The following ATE1 variants were observed in gnomAD, a reference collection of about 807,000 sequenced individuals.
ATE1 encodes the protein arginyl-tRNA--protein transferase 1.
ATE1 carries 36 observed loss-of-function variants against 70.5 expected under a neutral mutation model. The ratio of observed to expected loss-of-function variants is 0.51; its 90% CI spans 0.39 to 0.67. The LOEUF (loss-of-function observed/expected upper bound fraction) is 0.67. ATE1 is among the 30% of genes least tolerant of loss of function. The pLI is 0.00. For synonymous variants in ATE1, 232 were observed against 219.3 expected, an observed-to-expected ratio of 1.06 and a Z score of -0.51; for missense variants, 593 against 629.5, an observed-to-expected ratio of 0.94 and a Z score of 0.62.
chr10:121,776,079 T>C (rs1442176413), intron 11 of ATE1, among the ~76,000 whole-genome samples: 1 of 152,216 alleles, frequency 6.6e-6, no homozygotes, highest in Non-Finnish European at 1.5e-5. Flanking sequence ...GGGGGATATG[T>C]CATATTTTGA....
At chr10:121,807,732 T>C (rs1947154821) in intron 10 of ATE1, among the ~76,000 whole-genome samples, 1 of 152,228 alleles carries the variant, frequency 6.6e-6, no homozygotes, top group Non-Finnish European at 1.5e-5. Flanking sequence ...CAGCAAGCTA[T>C]GGCCCATGGG....
In ATE1 at chr10:121,925,275, C is replaced by G. The variant is rs186599948; in HGVS notation, c.107-946G>C. Among the ~76,000 whole-genome samples the G allele has an allele frequency of 4.1e-4, 62 of 151,954 alleles. No homozygotes were observed. The East Asian group carries it at 0.012, about 29-fold the overall frequency. ...ATCTCTACTAAAAACACAAAATTAGCCGGGAATGGTGGCACATGCCTGTAA... is the reference window on the plus strand; with the variant it reads ...ATCTCTACTAAAAACACAAAATTAGGCGGGAATGGTGGCACATGCCTGTAA... On this transcript the variant is annotated intron_variant, in intron 1 of 11. Coordinates refer to ENST00000224652, the MANE Select transcript of ATE1 (RefSeq NM_001001976.3).
At chr10:121,803,932 C>T (rs974680232) in intron 10 of ATE1, among the ~76,000 whole-genome samples, 1 of 152,152 alleles carries the variant, frequency 6.6e-6, no homozygotes, top group Non-Finnish European at 1.5e-5. Context: ...TTAAGGATAA[C>T]CTTTCCTCCC....
At chr10:121,905,997 A>G (rs1213052795) in intron 5 of ATE1, among the ~76,000 whole-genome samples, 1 of 152,250 alleles carries the variant, frequency 6.6e-6, no homozygotes, top group African/African-American at 2.4e-5. Context: ...AAGCAACTCA[A>G]GAATTCCTGA....
At chr10:121,837,808 A>T (rs1383263936) in intron 9 of ATE1, among the ~76,000 whole-genome samples, 2 of 152,090 alleles carry the variant, frequency 1.3e-5, no homozygotes, top group Admixed American at 1.3e-4. Context: ...TCCACTCTCA[A>T]AGTTCAAACT....
chr10:121,911,456 A>C (rs574572285), intron 4 of ATE1, among the ~76,000 whole-genome samples: 16 of 148,890 alleles, frequency 1.1e-4, no homozygotes, highest in Admixed American at 4.7e-4. Flanking sequence ...AAAAAAAAAA[A>C]AAAACAAAAA....
chr10:121,891,392 G>A lies in ATE1; in HGVS notation c.942+8474C>T, dbSNP rs115373402. Among the ~76,000 whole-genome samples the A allele has an allele frequency of 7.2e-3, 1,102 of 152,210 alleles. 11 individuals carry two copies. Among genetic ancestry groups the A allele is most frequent in the African/African-American group, 0.025 (1,037 of 41,522 alleles). ...TACCAGGATGCCGGCACATGGTGGCGACAGGAAAAAGAGGGCAGGAGAGAC... is the reference window on the plus strand; with the variant it reads ...TACCAGGATGCCGGCACATGGTGGCAACAGGAAAAAGAGGGCAGGAGAGAC... On this transcript the variant is annotated intron_variant, in intron 7 of 11. Coordinates refer to ENST00000224652, the MANE Select transcript of ATE1 (RefSeq NM_001001976.3).
chr10:121,754,476 A>T (rs1243975791), intron 11 of ATE1, among the ~76,000 whole-genome samples: 3 of 152,238 alleles, frequency 2.0e-5, no homozygotes, highest in Non-Finnish European at 1.5e-5. Context: ...ATAAATAATG[A>T]AAGTAACAAT....
intron 6 of ATE1, among the ~76,000 whole-genome samples, chr10:121,901,652 C>G (rs1369735264): frequency 6.6e-6 from 1 of 152,010 alleles, no homozygotes; most frequent in African/African-American, 2.4e-5. Context: ...GACGGGGTTT[C>G]ACTGTGTTGG....
At chr10:121,913,755 G>T in intron 4 of ATE1, 35 bp downstream of exon 4, 1 of 1,444,394 alleles carries the variant, frequency 6.9e-7, no homozygotes, top group Non-Finnish European at 9.7e-7. Context: ...TGCAAAGACA[G>T]ATAGTAAATC....
intron 7 of ATE1, among the ~76,000 whole-genome samples, chr10:121,880,788 T>C (rs12243874): frequency 0.13 from 20,063 of 152,068 alleles, 1,522 homozygotes; most frequent in East Asian, 0.19. Flanking sequence ...TGAATGACCA[T>C]AGTGAAAATA....
chr10:121,901,792 G>A (rs1950992694), intron 6 of ATE1, among the ~76,000 whole-genome samples: 1 of 152,092 alleles, frequency 6.6e-6, no homozygotes, highest in Non-Finnish European at 1.5e-5. Flanking sequence ...AACTAATACT[G>A]AGAAATCTTG....
At chr10:121,830,289 A>T (rs1948187153) in intron 10 of ATE1, among the ~76,000 whole-genome samples, 1 of 152,138 alleles carries the variant, frequency 6.6e-6, no homozygotes, top group African/African-American at 2.4e-5. Flanking sequence ...GCCCTCGGGA[A>T]TAGATTAAAG....
At chr10:121,822,717 CAG>C (rs1204408487) in intron 10 of ATE1, among the ~76,000 whole-genome samples, 1 of 152,118 alleles carries the variant, frequency 6.6e-6, no homozygotes, top group Non-Finnish European at 1.5e-5. Context: ...TTTATCCATG[CAG>C]AGTCACCTTT....
chr10:121,823,920 C>G (rs1018393236), intron 10 of ATE1, among the ~76,000 whole-genome samples: 1 of 152,104 alleles, frequency 6.6e-6, no homozygotes, highest in African/African-American at 2.4e-5. Flanking sequence ...AAACTCTTCT[C>G]GTGGGTAAAA....
At chr10:121,802,208 A>G (rs1946910412) in intron 10 of ATE1, among the ~76,000 whole-genome samples, 2 of 151,822 alleles carry the variant, frequency 1.3e-5, no homozygotes, top group Admixed American at 1.3e-4. Context: ...ATGGCACAAG[A>G]TTTGCTTTCA....
Position 121,916,008 on chromosome 10 carries a change from G to A in ATE1, c.234-2115C>T, listed in dbSNP as rs1052309687. ...TATCAGCACTTTGGGAGGCCGAGGC[G>A]GGCAGATCACAAGGTCAGGAGATGG... is the stretch of plus-strand genomic sequence containing the variant. On this transcript the variant is annotated intron_variant, in intron 3 of 11. Coordinates refer to ENST00000224652, the MANE Select transcript of ATE1 (RefSeq NM_001001976.3). Among the ~76,000 whole-genome samples, 11 of 150,868 alleles carry A rather than the reference G, an allele frequency of 7.3e-5. No individual in the cohort carries two copies. In the South Asian group the frequency reaches 1.1e-3, roughly 14 times the overall value.
At chr10:121,895,696 C>G (rs933865283) in intron 7 of ATE1, among the ~76,000 whole-genome samples, 4 of 151,954 alleles carry the variant, frequency 2.6e-5, no homozygotes, top group African/African-American at 9.7e-5. Context: ...ATCTGTAATC[C>G]CAGCACTTTA....
chr10:121,888,590 C>G (rs1237592780), intron 7 of ATE1, among the ~76,000 whole-genome samples: 4 of 152,056 alleles, frequency 2.6e-5, no homozygotes, highest in African/African-American at 9.7e-5. Flanking sequence ...ATGAAAAAAG[C>G]TGAACACCTG....
Sources: gnomAD v4.1 joint callset for allele counts (sites outside exome capture counted in the v4.1 genomes callset) on GRCh38, gnomAD v4.1.1 for gene constraint, MANE v1.5 for transcripts, NCBI Gene and HGNC (gene_info 2026-07-23, HGNC 2026-07-21) for gene names.